ADAMTS17: variants seen among roughly 807,000 people sequenced by gnomAD.
ADAMTS17 encodes the protein A disintegrin and metalloproteinase with thrombospondin motifs 17.
In ADAMTS17, 113 loss-of-function variants were observed where a neutral mutation model predicts 141.5. That is an observed-to-expected ratio of 0.80 (90% confidence interval 0.69 to 0.93). ADAMTS17 has a LOEUF of 0.93. ADAMTS17 is among the 40% of genes least tolerant of loss of function. The pLI is 0.00. For missense variants in ADAMTS17, 1,659 were observed against 1,517.9 expected (o/e 1.09, Z -1.54); for synonymous variants, 768 against 630.6 (o/e 1.22, Z -3.27).
intron 18 of ADAMTS17, among the ~76,000 whole-genome samples, chr15:100,040,856 C>T (rs1029703668): frequency 3.3e-5 from 5 of 152,218 alleles, no homozygotes; most frequent in Non-Finnish European, 4.4e-5. Flanking sequence ...CTCCTCCCCA[C>T]TCACATACCA....
intron 12 of ADAMTS17, among the ~76,000 whole-genome samples, chr15:100,124,583 C>T (rs965231773): frequency 3.3e-5 from 5 of 152,238 alleles, no homozygotes; most frequent in African/African-American, 7.2e-5. Flanking sequence ...GTCACACATG[C>T]GCGCCCCAGG....
intron 7 of ADAMTS17, among the ~76,000 whole-genome samples, chr15:100,235,653 G>A (rs1028301203): frequency 1.5e-4 from 23 of 152,178 alleles, no homozygotes; most frequent in African/African-American, 5.6e-4. Context: ...TGTGGTCTGG[G>A]ATCACCCTTT....
chr15:100,035,416 G>A (rs2030611327), intron 18 of ADAMTS17, among the ~76,000 whole-genome samples: 1 of 152,210 alleles, frequency 6.6e-6, no homozygotes, highest in South Asian at 2.1e-4. Flanking sequence ...TACCCTGTCT[G>A]TGTGTGAAGG....
At chr15:100,163,591 T>A (rs1222402439) in intron 8 of ADAMTS17, among the ~76,000 whole-genome samples, 2 of 152,192 alleles carry the variant, frequency 1.3e-5, no homozygotes, top group African/African-American at 4.8e-5. Flanking sequence ...CCTCAAGTGA[T>A]CCTCCTGTCT....
intron 11 of ADAMTS17, among the ~76,000 whole-genome samples, chr15:100,132,865 T>C (rs761006454): frequency 6.6e-6 from 1 of 152,216 alleles, no homozygotes; most frequent in Non-Finnish European, 1.5e-5. Context: ...ATAATACTGT[T>C]CTCACTGAAT....
At chr15:100,282,129 T>A (rs28459435) in intron 3 of ADAMTS17, among the ~76,000 whole-genome samples, 9 of 152,208 alleles carry the variant, frequency 5.9e-5, no homozygotes, top group Admixed American at 5.9e-4. Context: ...AAATCTGCCA[T>A]AGTCTTTGTA....
chr15:100,325,233 A>G (rs1431668491), intron 3 of ADAMTS17, among the ~76,000 whole-genome samples: 1 of 152,110 alleles, frequency 6.6e-6, no homozygotes, highest in African/African-American at 2.4e-5. Flanking sequence ...GGCTTGAACT[A>G]TGCACCACAC....
At chr15:100,019,600 C>A (rs2061363201) in intron 18 of ADAMTS17, among the ~76,000 whole-genome samples, 1 of 152,142 alleles carries the variant, frequency 6.6e-6, no homozygotes, top group South Asian at 2.1e-4. Context: ...GCGCTCCAGC[C>A]CACTGAGGCC....
intron 7 of ADAMTS17, among the ~76,000 whole-genome samples, chr15:100,223,744 G>GTATATATATATATACACATGTATGTGTA (rs142476336): frequency 1.3e-5 from 2 of 148,804 alleles, no homozygotes; most frequent in African/African-American, 2.5e-5. Context: ...ACATGTATGT[G>GTATATATATATATACACATGTATGTGTA]TATATATATA....
chr15:100,181,749 A>G (rs2040533265), intron 8 of ADAMTS17, among the ~76,000 whole-genome samples: 1 of 152,166 alleles, frequency 6.6e-6, no homozygotes, highest in African/African-American at 2.4e-5. Flanking sequence ...GGAAGGAGTT[A>G]TTTTTGTTGC....
At position 100,155,089 on chromosome 15, in the gene ADAMTS17, C is replaced by A. The variant is rs2039368764; in HGVS notation, c.1322+91G>T. Reference sequence around the variant, plus strand: ...TGCAAATCCCAAAAGAGAGTCATTTCTCCACTTCACACTTGCTGAGACTCC... The same window carrying A: ...TGCAAATCCCAAAAGAGAGTCATTTATCCACTTCACACTTGCTGAGACTCC... On this transcript the variant is annotated intron_variant, in intron 9 of 21. Transcript: ENST00000268070. 5 of 1,590,582 alleles carry A rather than the reference C, an allele frequency of 3.1e-6. No homozygotes were observed. The East Asian group carries it at 6.7e-5, about 21-fold the overall frequency.
intron 7 of ADAMTS17, among the ~76,000 whole-genome samples, chr15:100,231,126 T>A (rs969447254): frequency 5.9e-5 from 9 of 152,236 alleles, no homozygotes; most frequent in Non-Finnish European, 1.3e-4. Flanking sequence ...AATACTTCCA[T>A]CAGGGAATTT....
intron 8 of ADAMTS17, among the ~76,000 whole-genome samples, chr15:100,176,574 A>G (rs930213313): frequency 6.6e-6 from 1 of 152,240 alleles, no homozygotes; most frequent in African/African-American, 2.4e-5. Flanking sequence ...GGATAACTAC[A>G]GTATATCAAA....
At chr15:100,099,824 AG>A (rs2035987526) in intron 14 of ADAMTS17, among the ~76,000 whole-genome samples, 1 of 152,222 alleles carries the variant, frequency 6.6e-6, no homozygotes. Flanking sequence ...AGAAACATGC[AG>A]AAAGTGCTTG....
intron 4 of ADAMTS17, among the ~76,000 whole-genome samples, chr15:100,264,174 A>G (rs985832571): frequency 2.0e-5 from 3 of 152,170 alleles, no homozygotes; most frequent in Admixed American, 2.0e-4. Flanking sequence ...AGGAACAACT[A>G]GCTGTTGTTT....
chr15:100,010,247 A>G (rs1047614864), intron 18 of ADAMTS17, among the ~76,000 whole-genome samples: 4 of 152,350 alleles, frequency 2.6e-5, no homozygotes, highest in Middle Eastern at 6.8e-3. Flanking sequence ...TATTAGCAGC[A>G]TGAGAACAGA....
In ADAMTS17 at chr15:100,182,251, G is replaced by A. The variant is rs575103520; in HGVS notation, c.1181+17067C>T. The stretch of plus-strand genomic sequence containing the variant: ...AAGGACCTTTTTCACATGGTGGCAA[G>A]AGAGAGAAGAGCGAAGGCGGACGAG... On this transcript the variant is annotated intron_variant, in intron 8 of 21. Coordinates refer to ENST00000268070, the MANE Select transcript of ADAMTS17 (RefSeq NM_139057.4). Among the ~76,000 whole-genome samples the A allele has an allele frequency of 6.6e-5, 10 of 152,338 alleles. No homozygotes were observed. In the East Asian group the frequency reaches 1.9e-3, roughly 29 times the overall value.
intron 18 of ADAMTS17, among the ~76,000 whole-genome samples, chr15:100,043,949 C>T (rs562309332): frequency 1.3e-5 from 2 of 152,282 alleles, no homozygotes; most frequent in East Asian, 3.9e-4. Context: ...AGCTCTGTGG[C>T]ACTCATTAAT....
At chr15:100,220,385 C>G (rs1363169791) in intron 7 of ADAMTS17, among the ~76,000 whole-genome samples, 1 of 152,196 alleles carries the variant, frequency 6.6e-6, no homozygotes, top group South Asian at 2.1e-4. Flanking sequence ...CCCCCGAACG[C>G]TTCACTGTGA....
Sources: allele counts gnomAD v4.1 joint callset (sites outside exome capture counted in the v4.1 genomes callset), GRCh38; gene constraint gnomAD v4.1.1; transcripts MANE v1.5; gene names NCBI Gene and HGNC (gene_info 2026-07-23, HGNC 2026-07-21).